CPPED1: variants seen among roughly 807,000 people sequenced by gnomAD.
The protein encoded by CPPED1 is serine/threonine-protein phosphatase CPPED1.
Under a neutral mutation model 28.0 loss-of-function variants are expected in CPPED1, and 28 were observed. That is an observed-to-expected ratio of 1.00 (90% CI 0.74 to 1.37). CPPED1 has a LOEUF of 1.37. CPPED1 is among the 40% of genes most tolerant of loss of function. The pLI, the probability that CPPED1 is intolerant of heterozygous loss-of-function variation, is 0.00. For missense variants in CPPED1, 504 were observed against 416.5 expected (o/e 1.21, Z -1.83); for synonymous variants, 198 against 180.2 (o/e 1.10, Z -0.79).
chr16:12,745,124 T>C (rs949547251), intron 2 of CPPED1, among the ~76,000 whole-genome samples: 3 of 152,166 alleles, frequency 2.0e-5, no homozygotes, highest in Non-Finnish European at 4.4e-5. Flanking sequence ...ATCAGTGAGC[T>C]GTGGGACAAC....
intron 2 of CPPED1, among the ~76,000 whole-genome samples, chr16:12,744,707 G>T (rs923916986): frequency 6.6e-6 from 1 of 152,164 alleles, no homozygotes; most frequent in African/African-American, 2.4e-5. Flanking sequence ...GAAGCCAGGC[G>T]TGGTGACTCA....
intron 3 of CPPED1, among the ~76,000 whole-genome samples, chr16:12,676,520 G>A (rs1456533356): frequency 6.6e-6 from 1 of 152,160 alleles, no homozygotes; most frequent in African/African-American, 2.4e-5. Flanking sequence ...GCGAGGACAG[G>A]TTAAGTGACT....
chr16:12,704,899 C>A lies in CPPED1; in HGVS notation c.440G>T (p.Gly147Val). 6.2e-7 allele frequency: 1 copy of A among 1,614,170 alleles called. No homozygotes were observed. Among genetic ancestry groups the A allele is most frequent in the Non-Finnish European group, 8.5e-7 (1 of 1,180,028 alleles). ...ETVEEFCRTW[G>V]DDYFSFWVGG... ...GACCCAGAAGCTGAAGTAGTCATCT[C>A]CCCAAGTCCGGCAGAACTCCTCGAC... Residue 147 changes from glycine (G) to valine (V), a missense_variant, in exon 3 of 4, where the codon GGA (glycine) becomes GTA (valine). Coordinates refer to ENST00000381774, the MANE Select transcript of CPPED1 (RefSeq NM_018340.3).
intron 3 of CPPED1, among the ~76,000 whole-genome samples, chr16:12,683,951 T>C (rs2079919307): frequency 6.6e-6 from 1 of 152,150 alleles, no homozygotes; most frequent in Admixed American, 6.5e-5. Flanking sequence ...GTAGCTTCCA[T>C]CCTCAAGATC....
intron 3 of CPPED1, among the ~76,000 whole-genome samples, chr16:12,676,598 C>A (rs1434010442): frequency 6.6e-6 from 1 of 152,124 alleles, no homozygotes; most frequent in Non-Finnish European, 1.5e-5. Flanking sequence ...GCTCTGTCCA[C>A]CATCTGAGAG....
intron 2 of CPPED1, among the ~76,000 whole-genome samples, chr16:12,734,663 C>G (rs1361282887): frequency 1.3e-5 from 2 of 152,122 alleles, no homozygotes; most frequent in African/African-American, 4.8e-5. Flanking sequence ...AATTTTTTAA[C>G]TAGCAAATAA....
chr16:12,728,380 G>C (rs1385883816), intron 2 of CPPED1, among the ~76,000 whole-genome samples: 1 of 152,022 alleles, frequency 6.6e-6, no homozygotes, highest in East Asian at 1.9e-4. Flanking sequence ...TGAATTCGTA[G>C]ATTTAGGATA....
chr16:12,768,514 G>C (rs1009743491), intron 2 of CPPED1, among the ~76,000 whole-genome samples: 34 of 152,306 alleles, frequency 2.2e-4, no homozygotes, highest in African/African-American at 7.9e-4. Flanking sequence ...TCACCATTGA[G>C]TTTATATTTT....
chr16:12,770,099 C>T (rs887602438), intron 2 of CPPED1, among the ~76,000 whole-genome samples: 3 of 152,154 alleles, frequency 2.0e-5, no homozygotes, highest in African/African-American at 4.8e-5. Flanking sequence ...GAACTTATTG[C>T]TTACATGAAA....
At chr16:12,726,874 T>C (rs1329103650) in intron 2 of CPPED1, among the ~76,000 whole-genome samples, 2 of 152,018 alleles carry the variant, frequency 1.3e-5, no homozygotes, top group African/African-American at 2.4e-5. Context: ...CTTCAAAGAA[T>C]AGAGGAAAAA....
chr16:12,759,669 C>T (rs1353459270), intron 2 of CPPED1, among the ~76,000 whole-genome samples: 1 of 152,080 alleles, frequency 6.6e-6, no homozygotes, highest in Non-Finnish European at 1.5e-5. Flanking sequence ...GTGTGGTTAC[C>T]CCATGCTGTT....
chr16:12,745,755 T>A (rs1289550688), intron 2 of CPPED1: 1 of 152,242 alleles, frequency 6.6e-6, no homozygotes, highest in Admixed American at 6.5e-5. Context: ...TGTCATAATA[T>A]GTATAGCAAA....
chr16:12,680,584 C>A (rs1596443239), intron 3 of CPPED1, among the ~76,000 whole-genome samples: 1 of 152,156 alleles, frequency 6.6e-6, no homozygotes. Flanking sequence ...GCAGAGACAG[C>A]CCCCAGGGAA....
chr16:12,791,774 A>G (rs1355480753), intron 1 of CPPED1, among the ~76,000 whole-genome samples: 3 of 152,212 alleles, frequency 2.0e-5, no homozygotes, highest in African/African-American at 4.8e-5. Context: ...TGAAAGCTCC[A>G]GGGCAGGCCC....
chr16:12,737,326 G>A (rs1022115791), intron 2 of CPPED1, among the ~76,000 whole-genome samples: 2 of 152,256 alleles, frequency 1.3e-5, no homozygotes, highest in South Asian at 4.1e-4. Flanking sequence ...TGGGAAGAAG[G>A]AGAAGAAGGG....
Position 12,681,767 on chromosome 16 carries a change from AG to A in CPPED1, c.716-16653del, listed in dbSNP as rs557027102. On this transcript the variant is annotated intron_variant, in intron 3 of 3. Transcript: ENST00000381774. ...TCACACCAACACCTGGAGGCAGCTGAGGGGGGCCCACATTCCCGTTCATAAA... is the reference window on the plus strand; with the variant it reads ...TCACACCAACACCTGGAGGCAGCTGAGGGGGCCCACATTCCCGTTCATAAA... 1.8e-4 allele frequency among the ~76,000 whole-genome samples: 28 copies of A among 152,196 alleles called. No homozygotes were observed. The East Asian group carries it at 5.4e-3, about 30-fold the overall frequency.
intron 3 of CPPED1, among the ~76,000 whole-genome samples, chr16:12,680,100 C>G (rs754623677): frequency 1.3e-5 from 2 of 152,142 alleles, no homozygotes; most frequent in African/African-American, 2.4e-5. Context: ...ACTTACTGGT[C>G]CCATTCAGTT....
chr16:12,709,942 G>A lies in CPPED1; in HGVS notation c.290-4893C>T, dbSNP rs952243166. Among the ~76,000 whole-genome samples, 1 of 146,326 alleles carries A rather than the reference G, an allele frequency of 6.8e-6. No individual in the cohort carries two copies. Reference sequence around the variant, plus strand: ...GAAGGAAGGGAAGGAAGGGAAGGAAGGGAGGAAGGAAAGAAGGGAAGGAAG... The same window carrying A: ...GAAGGAAGGGAAGGAAGGGAAGGAAAGGAGGAAGGAAAGAAGGGAAGGAAG... On this transcript the variant is annotated intron_variant, in intron 2 of 3. Transcript: ENST00000381774. This position sits in a 1 kb window ranked among gnomAD's most constrained non-coding sequence, Gnocchi z 4.4.
At chr16:12,686,263 C>T (rs2079932941) in intron 3 of CPPED1, among the ~76,000 whole-genome samples, 4 of 149,196 alleles carry the variant, frequency 2.7e-5, no homozygotes, top group Admixed American at 2.7e-4. Flanking sequence ...GAGATGGGGT[C>T]TTGCTATGTT....
Sources: allele counts gnomAD v4.1 joint callset (sites outside exome capture counted in the v4.1 genomes callset), GRCh38; gene constraint gnomAD v4.1.1; non-coding constraint Gnocchi (gnomAD v3.1); transcripts MANE v1.5; gene names NCBI Gene and HGNC (gene_info 2026-07-23, HGNC 2026-07-21).